The following LIPA variants were observed in gnomAD, a reference collection of about 807,000 sequenced individuals.
LIPA encodes the protein lysosomal acid lipase/cholesteryl ester hydrolase.
A neutral mutation model predicts 40.6 loss-of-function variants in LIPA; 26 were observed. That is an observed-to-expected ratio of 0.64 (90% CI 0.47 to 0.89). The LOEUF (loss-of-function observed/expected upper bound fraction) is 0.89, where lower values mean the gene tolerates loss of function less well. LIPA is among the 40% of genes least tolerant of loss of function. The pLI is 0.00. For synonymous variants in LIPA, 188 were observed against 168.4 expected (o/e 1.12, Z -0.90); for missense variants, 455 against 479.6 (o/e 0.95, Z 0.48).
At chr10:89,388,767 T>TA (rs1196091984) in intron 2 of LIPA, among the ~76,000 whole-genome samples, 4 of 150,628 alleles carry the variant, frequency 2.7e-5, no homozygotes, top group Admixed American at 2.0e-4. Context: ...CTTGTGTCTA[T>TA]AGTTGTTTCA....
chr10:89,411,701 C>T (rs1053777962), intron 2 of LIPA, among the ~76,000 whole-genome samples: 3 of 152,222 alleles, frequency 2.0e-5, no homozygotes, highest in Non-Finnish European at 4.4e-5. Context: ...AAGGCCTAGA[C>T]CTCCTCACTG....
At chr10:89,373,048 G>A (rs575643170) in intron 2 of LIPA, among the ~76,000 whole-genome samples, 3 of 152,268 alleles carry the variant, frequency 2.0e-5, no homozygotes, top group Non-Finnish European at 4.4e-5. Flanking sequence ...ATTGGAACAC[G>A]TGGGGCCGGA....
chr10:89,308,297 G>T (rs1401614380), intron 1 of LIPA: 2 of 152,112 alleles, frequency 1.3e-5, no homozygotes, highest in African/African-American at 4.8e-5. Flanking sequence ...GAAATTTGCA[G>T]TATTTTAGCC....
chr10:89,340,122 G>GA, intron 1 of LIPA: 1 of 1,587,312 alleles, frequency 6.3e-7, no homozygotes, highest in Non-Finnish European at 8.6e-7. Flanking sequence ...CAGAGCAACT[G>GA]AACTGAGACA....
Position 89,393,417 on chromosome 10 carries a change from G to A in LIPA, c.61+19374C>T, listed in dbSNP as rs1273637997. ...TTCCTTACCTAAAGGGCCTAATGTG[G>A]GAATTTCTCAGCTGATTTAAAAACC... On this transcript the variant is annotated intron_variant, in intron 2 of 8. Coordinates refer to the LIPA transcript ENST00000371837. 5 of 711,068 alleles carry A rather than the reference G, an allele frequency of 7.0e-6. 1 individual carries two copies. Among genetic ancestry groups the A allele is most frequent in the Middle Eastern group, 1.1e-3 (2 of 1,766 alleles). The allele number at this position is 711,068 out of a possible 1,614,324, so 44.0% of individuals were successfully genotyped here.
At chr10:89,398,577 G>A (rs920721333) in intron 2 of LIPA, among the ~76,000 whole-genome samples, 1 of 152,120 alleles carries the variant, frequency 6.6e-6, no homozygotes, top group Non-Finnish European at 1.5e-5. Context: ...TTTACTTTCT[G>A]TCTTTATGAA....
intron 2 of LIPA, among the ~76,000 whole-genome samples, chr10:89,348,892 A>T (rs1251340589): frequency 6.6e-6 from 1 of 152,136 alleles, no homozygotes; most frequent in African/African-American, 2.4e-5. Flanking sequence ...AAACTTTCAA[A>T]ATTGGCTAAC....
At chr10:89,403,044 G>T in intron 2 of LIPA, 1 of 1,614,248 alleles carries the variant, frequency 6.2e-7, no homozygotes, top group Non-Finnish European at 8.5e-7. Flanking sequence ...CTTTCGATAT[G>T]CAGCCAAGTT....
At chr10:89,334,342 A>C (rs1237683812) in intron 1 of LIPA, among the ~76,000 whole-genome samples, 1 of 151,636 alleles carries the variant, frequency 6.6e-6, no homozygotes. Context: ...GGTCATGGGA[A>C]ATCTCTTTCT....
Position 89,402,940 on chromosome 10 carries a change from T to G in LIPA, c.61+9851A>C, listed in dbSNP as rs533875881. 3 of 1,614,160 alleles carry G rather than the reference T, an allele frequency of 1.9e-6. No individual in the cohort carries two copies. The East Asian group carries it at 6.7e-5, about 36-fold the overall frequency. ...CCAGACAATGGATATATTAAGGTTC[T>G]CCTTGCCCTGAAGCTTCAGGATGAA... is the stretch of plus-strand genomic sequence containing the variant. On this transcript the variant is annotated intron_variant, in intron 2 of 8. Transcript: ENST00000371837.
rs1334595027 is a variant in LIPA, at chr10:89,376,181, CTATCTTAAA to C, written c.61+36601_61+36609del. Among the ~76,000 whole-genome samples the C allele has an allele frequency of 3.6e-5, 3 of 84,316 alleles. No individual in the cohort carries two copies. In the Admixed American group the frequency reaches 4.9e-4, roughly 14 times the overall value. 55.3% of individuals were successfully genotyped at this position (84,316 alleles called of 152,430 possible). A position where few individuals can be genotyped will look rare whatever the true frequency, so the allele number is the denominator to read the frequency against. ...CCAGCCTAGGTGATACAGCGAGACTCTATCTTAAAAAAAAAAAAAAAAAAAAAAGAAGAA... is the reference window on the plus strand; with the variant it reads ...CCAGCCTAGGTGATACAGCGAGACTCAAAAAAAAAAAAAAAAAAAGAAGAA... On this transcript the variant is annotated intron_variant, in intron 2 of 8. Transcript: ENST00000371837.
chr10:89,243,592 TAA>T (rs5786865), intron 3 of LIPA, among the ~76,000 whole-genome samples: 85 of 147,676 alleles, frequency 5.8e-4, no homozygotes, highest in African/African-American at 1.0e-3. Context: ...CCACAGAGGT[TAA>T]AAAAAAAAAA....
At chr10:89,231,878 G>A (rs1410462733) in intron 3 of LIPA, among the ~76,000 whole-genome samples, 3 of 152,188 alleles carry the variant, frequency 2.0e-5, no homozygotes, top group Admixed American at 6.5e-5. Flanking sequence ...GATTAGGGCT[G>A]CTTTATGTGC....
In LIPA at chr10:89,298,764, T is replaced by A. The variant is rs368471510; in HGVS notation, c.-2+43847A>T. 7.2e-5 allele frequency among the ~76,000 whole-genome samples: 11 copies of A among 152,072 alleles called. No homozygotes were observed. In the East Asian group the frequency reaches 1.7e-3, roughly 24 times the overall value. Reference sequence around the variant, plus strand: ...ACTTAGGGAGGACAAGGAGGGTGGATCACCTGAGGTCAGGAGTTCCAGACC... The same window carrying A: ...ACTTAGGGAGGACAAGGAGGGTGGAACACCTGAGGTCAGGAGTTCCAGACC... On this transcript the variant is annotated intron_variant, in intron 1 of 5. Coordinates refer to the LIPA transcript ENST00000282673.
At chr10:89,329,319 A>C (rs1843627897) in intron 1 of LIPA, among the ~76,000 whole-genome samples, 1 of 152,214 alleles carries the variant, frequency 6.6e-6, no homozygotes, top group African/African-American at 2.4e-5. Flanking sequence ...ATATAGAATA[A>C]GTTCCTGGTC....
chr10:89,393,538 T>A (rs187535819), intron 2 of LIPA, among the ~76,000 whole-genome samples: 2 of 152,158 alleles, frequency 1.3e-5, no homozygotes, highest in African/African-American at 2.4e-5. Flanking sequence ...TTGGAGCCCA[T>A]CCTGGCCAAC....
At chr10:89,392,674 G>C in intron 2 of LIPA, 1 of 1,613,614 alleles carries the variant, frequency 6.2e-7, no homozygotes, top group Non-Finnish European at 8.5e-7. Context: ...GCCTGGCTAA[G>C]CAAAACCCTG....
chr10:89,240,321 C>T (rs915157877), intron 3 of LIPA, among the ~76,000 whole-genome samples: 1 of 152,158 alleles, frequency 6.6e-6, no homozygotes, highest in African/African-American at 2.4e-5. Context: ...AGAGGCTGGG[C>T]ACCATGGTTC....
intron 1 of LIPA, among the ~76,000 whole-genome samples, chr10:89,312,695 G>A (rs1843522811): frequency 6.6e-6 from 1 of 151,648 alleles, no homozygotes; most frequent in South Asian, 2.1e-4. Flanking sequence ...TGTAGTCCCA[G>A]CTACTCGGGA....
Sources: allele counts gnomAD v4.1 joint callset (sites outside exome capture counted in the v4.1 genomes callset), GRCh38; gene constraint gnomAD v4.1.1; transcripts MANE v1.5; gene names NCBI Gene and HGNC (gene_info 2026-07-23, HGNC 2026-07-21).